The following ANKRD12 variants were observed in gnomAD, a reference collection of about 807,000 sequenced individuals.
ANKRD12 encodes the protein ankyrin repeat domain 12.
ANKRD12 carries 85 observed loss-of-function variants against 183.4 expected under a neutral mutation model. That is an observed-to-expected ratio of 0.46 (90% CI 0.39 to 0.56). ANKRD12 has a LOEUF of 0.56. Ranked by LOEUF, ANKRD12 falls within the 20% of genes least tolerant of loss-of-function variation. ANKRD12 has a pLI of 0.00. For synonymous variants in ANKRD12, 914 were observed against 800.2 expected (o/e 1.14, Z -2.40); for missense variants, 2,405 against 2,357.1 (o/e 1.02, Z -0.42).
intron 10 of ANKRD12, among the ~76,000 whole-genome samples, chr18:9,268,182 C>CA (rs2039407549): frequency 6.6e-6 from 1 of 152,044 alleles, no homozygotes; most frequent in African/African-American, 2.4e-5. Context: ...CAGATTCTAC[C>CA]AGAGGTACAA....
Position 9,208,641 on chromosome 18 carries a change from T to G in ANKRD12, c.305-16T>G. On this transcript the variant is annotated splice_polypyrimidine_tract_variant and intron_variant, in intron 4 of 12. Transcript: ENST00000262126. Reference sequence around the variant, plus strand: ...GGATTTGTTTCAAATTCTTACATATTTGTTAATAATTCCAGAGAAAGAAGG... The same window carrying G: ...GGATTTGTTTCAAATTCTTACATATGTGTTAATAATTCCAGAGAAAGAAGG... 6.3e-7 allele frequency: 1 copy of G among 1,588,780 alleles called. No individual in the cohort carries two copies. Among genetic ancestry groups the G allele is most frequent in the African/African-American group, 1.4e-5 (1 of 73,328 alleles).
At chr18:9,210,771 T>TA (rs1284953303) in intron 5 of ANKRD12, among the ~76,000 whole-genome samples, 1 of 147,030 alleles carries the variant, frequency 6.8e-6, no homozygotes, top group South Asian at 2.2e-4. Flanking sequence ...TTTTTTTTTT[T>TA]ATTGAGGAAA....
chr18:9,150,630 AT>A (rs796820001), intron 1 of ANKRD12, among the ~76,000 whole-genome samples: 1 of 151,612 alleles, frequency 6.6e-6, no homozygotes. Flanking sequence ...TGATTTTGTG[AT>A]TTTTTTTAAA....
intron 2 of ANKRD12, among the ~76,000 whole-genome samples, chr18:9,182,914 C>T (rs1177800359): frequency 1.3e-5 from 2 of 152,168 alleles, no homozygotes; most frequent in Non-Finnish European, 2.9e-5. Context: ...TATCCCTAGT[C>T]TCTCCTTATC....
intron 1 of ANKRD12, among the ~76,000 whole-genome samples, chr18:9,166,525 A>C (rs1220917997): frequency 6.6e-6 from 1 of 152,152 alleles, no homozygotes; most frequent in Non-Finnish European, 1.5e-5. Flanking sequence ...TCTTCTTTTG[A>C]GAAGTGTCTG....
chr18:9,266,133 C>T (rs1421511949), intron 10 of ANKRD12, among the ~76,000 whole-genome samples: 1 of 152,188 alleles, frequency 6.6e-6, no homozygotes, highest in Non-Finnish European at 1.5e-5. Context: ...ACCAAATCTA[C>T]GTCTGATTGG....
At chr18:9,243,138 A>G (rs146406719) in intron 8 of ANKRD12, among the ~76,000 whole-genome samples, 304 of 152,334 alleles carry the variant, frequency 2.0e-3, no homozygotes, top group African/African-American at 7.0e-3. Flanking sequence ...TTACTTGTTT[A>G]GGCAACATAA....
chr18:9,258,308 T>A lies in ANKRD12; in HGVS notation c.5041T>A (p.Ser1681Thr). 1 of 1,613,744 alleles carries A rather than the reference T, an allele frequency of 6.2e-7. No individual in the cohort carries two copies. The highest frequency in any genetic ancestry group is 8.5e-7 in the Non-Finnish European group (1 of 1,179,944). The change falls in exon 9 of 13, where the codon TCC becomes ACC. Residue 1681 changes from serine (S) to threonine (T), a missense_variant. This residue lies in a region of ANKRD12 where 1,983 missense variants were observed against 1,725.9 expected (regional missense o/e 1.15). Coordinates refer to ENST00000262126, the MANE Select transcript of ANKRD12 (RefSeq NM_015208.5). ...HCPESEKCLL[S>T]IEDEESQQSI... ...TCCTGAAAGTGAAAAGTGTTTGCTT[T>A]CCATAGAAGATGAGGAATCTCAACA... is the stretch of plus-strand genomic sequence containing the variant.
At chr18:9,277,468 C>T (rs906527473) in intron 11 of ANKRD12, among the ~76,000 whole-genome samples, 3 of 151,626 alleles carry the variant, frequency 2.0e-5, no homozygotes, top group Admixed American at 6.6e-5. Context: ...GCTGGGACTA[C>T]AGGCGCCCGC....
Position 9,275,638 on chromosome 18 carries a change from G to A in ANKRD12, c.5878G>A (p.Glu1960Lys). Residue 1960 changes from glutamate (E) to lysine (K), a missense_variant, in exon 11 of 13, where the codon GAA becomes AAA. Transcript: ENST00000262126. ...FSACTVLLDA[E>K]VYNVPLDSQS... ...TGCTTGTACTGTTTTGCTGGATGCC[G>A]AAGTATACAATGTACCATTGGACTC... 1 of 1,604,560 alleles carries A rather than the reference G, an allele frequency of 6.2e-7. No individual in the cohort carries two copies.
At chr18:9,278,928 C>G (rs1042904446) in intron 11 of ANKRD12, among the ~76,000 whole-genome samples, 1 of 152,054 alleles carries the variant, frequency 6.6e-6, no homozygotes, top group Non-Finnish European at 1.5e-5. Flanking sequence ...TTTATAGACA[C>G]TTTTCATTCT....
At chr18:9,235,727 G>A (rs1276658608) in intron 8 of ANKRD12, 2 of 455,728 alleles carry the variant, frequency 4.4e-6, no homozygotes, top group Admixed American at 2.3e-5. Flanking sequence ...TCCAGATTGT[G>A]AGAAAGCCAA....
intron 8 of ANKRD12, among the ~76,000 whole-genome samples, chr18:9,228,086 CCATCCATGTTGCTGCAAATGA>C (rs1421440907): frequency 9.2e-5 from 14 of 152,236 alleles, no homozygotes; most frequent in East Asian, 5.8e-4. Flanking sequence ...TTCACTAATT[CCATCCATGTTGCTGCAAATGA>C]CATCCATGTT....
At chr18:9,179,515 GA>G (rs1439943543) in intron 1 of ANKRD12, among the ~76,000 whole-genome samples, 4 of 151,954 alleles carry the variant, frequency 2.6e-5, no homozygotes, top group Non-Finnish European at 5.9e-5. Context: ...TACATAGTTT[GA>G]TTTTTTTGAG....
intron 8 of ANKRD12, among the ~76,000 whole-genome samples, chr18:9,222,903 TG>T (rs1230403905): frequency 1.3e-5 from 2 of 152,188 alleles, no homozygotes; most frequent in African/African-American, 4.8e-5. Flanking sequence ...TAAGAGATGC[TG>T]CCAAATTATA....
chr18:9,257,211 T>A lies in ANKRD12; in HGVS notation c.3944T>A (p.Val1315Asp). 6.2e-7 allele frequency: 1 copy of A among 1,614,158 alleles called. No individual in the cohort carries two copies. Among genetic ancestry groups the A allele is most frequent in the Non-Finnish European group, 8.5e-7 (1 of 1,179,992 alleles). Residue 1315 changes from valine (V) to aspartate (D), a missense_variant, in exon 9 of 13, where the codon GTC becomes GAC. Val to Asp is a radical substitution (Grantham distance 152). Transcript: ENST00000262126. ...GTTCGAAGATGTAGCATGCCTTCTG[T>A]CATTTGTGAACATACCAAACAATTC... ...IEVRRCSMPS[V>D]ICEHTKQFQT...
At position 9,262,786 on chromosome 18, in the gene ANKRD12, C is replaced by CTTTTTTTTTTTTTTTTTTT. The variant is rs775877613; in HGVS notation, c.5665-1004_5665-1003insTTTTTTTTTTTTTTTTTTT. Among the ~76,000 whole-genome samples, 4 of 87,932 alleles carry CTTTTTTTTTTTTTTTTTTT rather than the reference C, an allele frequency of 4.5e-5. 2 individuals are homozygous for CTTTTTTTTTTTTTTTTTTT. 57.7% of individuals were successfully genotyped at this position (87,932 alleles called of 152,430 possible). On this transcript the variant is annotated intron_variant, in intron 9 of 12. Transcript: ENST00000262126. ...AGCCACCATGCCCAGCCAAGATGTC[C>CTTTTTTTTTTTTTTTTTTT]CTTTTTTTTTTTTTTTTTTTTTTTT... is the stretch of plus-strand genomic sequence containing the variant.
chr18:9,191,771 C>T (rs1365706196), intron 2 of ANKRD12, among the ~76,000 whole-genome samples: 4 of 152,088 alleles, frequency 2.6e-5, no homozygotes, highest in Admixed American at 6.6e-5. Context: ...ACTCTCAGAC[C>T]GACCTATCTA....
chr18:9,159,127 G>A (rs991995202), intron 1 of ANKRD12, among the ~76,000 whole-genome samples: 1 of 152,138 alleles, frequency 6.6e-6, no homozygotes, highest in African/African-American at 2.4e-5. Context: ...TCCTTTTACT[G>A]AGAAAGGTTA....
Sources: gnomAD v4.1 joint callset for allele counts (sites outside exome capture counted in the v4.1 genomes callset) on GRCh38, gnomAD v4.1.1 for gene constraint, gnomAD v4.1.1 regional missense constraint, MANE v1.5 for transcripts, NCBI Gene and HGNC (gene_info 2026-07-23, HGNC 2026-07-21) for gene names.